Variants in CDH13 observed in about 807,000 individuals in gnomAD.
CDH13 encodes the protein cadherin 13, also known as cadherin-13.
CDH13 carries 24 observed loss-of-function variants against 63.8 expected under a neutral mutation model. The observed-to-expected ratio is 0.38, with a 90% CI of 0.27 to 0.53. The LOEUF (loss-of-function observed/expected upper bound fraction) is 0.53. Ranked by LOEUF, CDH13 falls within the 20% of genes least tolerant of loss-of-function variation. The pLI, the probability that CDH13 is intolerant of heterozygous loss-of-function variation, is 0.85. For missense variants in CDH13, 1,049 were observed against 903.1 expected, an observed-to-expected ratio of 1.16 and a Z score of -2.07; for synonymous variants, 503 against 355.3, an observed-to-expected ratio of 1.42 and a Z score of -4.67.
intron 1 of CDH13, among the ~76,000 whole-genome samples, chr16:82,757,726 C>G (rs1459025766): frequency 6.7e-6 from 1 of 149,722 alleles, no homozygotes; most frequent in Non-Finnish European, 1.5e-5. Context: ...TCACTGCAAC[C>G]TCTGCAGCGG....
intron 1 of CDH13, among the ~76,000 whole-genome samples, chr16:82,853,179 A>G (rs925620287): frequency 2.0e-5 from 3 of 152,184 alleles, no homozygotes; most frequent in Non-Finnish European, 2.9e-5. Flanking sequence ...ACACAACTCA[A>G]TCATATCAGG....
At chr16:82,812,631 G>A (rs1381545286) in intron 1 of CDH13, among the ~76,000 whole-genome samples, 1 of 152,154 alleles carries the variant, frequency 6.6e-6, no homozygotes, top group Admixed American at 6.5e-5. Flanking sequence ...TACACAGGCT[G>A]TGTTGGTGGA....
intron 8 of CDH13, among the ~76,000 whole-genome samples, chr16:83,661,547 G>A (rs913601139): frequency 2.0e-5 from 3 of 151,698 alleles, no homozygotes; most frequent in Non-Finnish European, 4.4e-5. Context: ...CCACTGCATC[G>A]TTTTCCTGTC....
chr16:82,912,977 T>C (rs1428923660), intron 2 of CDH13, among the ~76,000 whole-genome samples: 1 of 151,688 alleles, frequency 6.6e-6, no homozygotes, highest in Non-Finnish European at 1.5e-5. Flanking sequence ...TTCAAAATTG[T>C]GTCTTTTTCA....
chr16:83,408,248 A>C (rs1449783381), intron 6 of CDH13, among the ~76,000 whole-genome samples: 1 of 152,230 alleles, frequency 6.6e-6, no homozygotes, highest in African/African-American at 2.4e-5. Context: ...TTCCATTGAC[A>C]AAACTGGGAA....
intron 2 of CDH13, among the ~76,000 whole-genome samples, chr16:82,997,816 C>T (rs998462184): frequency 1.3e-5 from 2 of 152,106 alleles, no homozygotes; most frequent in African/African-American, 4.8e-5. Flanking sequence ...ATTTTCTGGG[C>T]TATTTTTAAA....
At chr16:83,054,362 C>G (rs2030703262) in intron 3 of CDH13, among the ~76,000 whole-genome samples, 1 of 152,200 alleles carries the variant, frequency 6.6e-6, no homozygotes, top group Admixed American at 6.5e-5. Flanking sequence ...GCCAGCATCA[C>G]TAATCTTGAA....
At chr16:82,877,916 TACACATAG>T (rs1220972751) in intron 2 of CDH13, among the ~76,000 whole-genome samples, 2 of 87,788 alleles carry the variant, frequency 2.3e-5, no homozygotes, top group Non-Finnish European at 4.8e-5. Flanking sequence ...AATACATACA[TACACATAG>T]ACACACACAC....
At chr16:83,206,824 T>C (rs913844126) in intron 4 of CDH13, among the ~76,000 whole-genome samples, 6 of 152,228 alleles carry the variant, frequency 3.9e-5, no homozygotes, top group Admixed American at 3.3e-4. Context: ...CCAAGGACAC[T>C]GACCAGAGTA....
intron 10 of CDH13, among the ~76,000 whole-genome samples, chr16:83,713,283 A>G (rs1345623793): frequency 6.6e-6 from 1 of 152,234 alleles, no homozygotes; most frequent in East Asian, 1.9e-4. Context: ...CACACACCAG[A>G]AATGGTTACT....
intron 1 of CDH13, among the ~76,000 whole-genome samples, chr16:82,794,986 C>A (rs1008352843): frequency 6.6e-6 from 1 of 152,168 alleles, no homozygotes; most frequent in East Asian, 1.9e-4. Flanking sequence ...CTGAGAGATT[C>A]TGAAGAGAAG....
intron 2 of CDH13, among the ~76,000 whole-genome samples, chr16:83,026,493 T>C (rs531676727): frequency 2.6e-5 from 4 of 151,932 alleles, no homozygotes; most frequent in Non-Finnish European, 4.4e-5. Flanking sequence ...GGTTCGAGGG[T>C]GGGGGGACAA....
At chr16:82,783,043 G>T (rs1007155688) in intron 1 of CDH13, among the ~76,000 whole-genome samples, 2 of 152,204 alleles carry the variant, frequency 1.3e-5, no homozygotes, top group South Asian at 4.1e-4. Context: ...CCCCCATGGA[G>T]TTTAAATAGA....
intron 4 of CDH13, among the ~76,000 whole-genome samples, chr16:83,148,117 T>G (rs1239468252): frequency 1.3e-5 from 2 of 152,190 alleles, no homozygotes; most frequent in Non-Finnish European, 2.9e-5. Context: ...TTTGTATTTT[T>G]AGTAGGCACG....
chr16:82,667,234 G>C (rs1912695241), intron 1 of CDH13, among the ~76,000 whole-genome samples: 1 of 152,200 alleles, frequency 6.6e-6, no homozygotes, highest in African/African-American at 2.4e-5. Context: ...ATCCCATAAA[G>C]CAGAGAGCTT....
intron 2 of CDH13, among the ~76,000 whole-genome samples, chr16:82,871,223 T>C (rs2040332541): frequency 6.6e-6 from 1 of 152,218 alleles, no homozygotes; most frequent in Non-Finnish European, 1.5e-5. Flanking sequence ...GTGTTTTGAA[T>C]TGTTGATACA....
At chr16:83,162,194 G>A (rs6565144) in intron 4 of CDH13, among the ~76,000 whole-genome samples, 32,795 of 152,016 alleles carry the variant, frequency 0.22, 4,872 homozygotes, top group African/African-American at 0.42. Flanking sequence ...AAACATTCAC[G>A]TGTTCCATCT....
chr16:83,330,093 G>A (rs1283276344), intron 5 of CDH13, among the ~76,000 whole-genome samples: 5 of 152,198 alleles, frequency 3.3e-5, no homozygotes, highest in African/African-American at 2.4e-5. Context: ...TCAAATAGAA[G>A]AGATTCTTGT....
At chr16:83,574,688 C>A (rs1025204175) in intron 7 of CDH13, among the ~76,000 whole-genome samples, 1 of 152,164 alleles carries the variant, frequency 6.6e-6, no homozygotes, top group Admixed American at 6.5e-5. Context: ...TCTTCCCCTC[C>A]CACTTCAGTG....
Sources: gnomAD v4.1 joint callset for allele counts (sites outside exome capture counted in the v4.1 genomes callset) on GRCh38, gnomAD v4.1.1 for gene constraint, MANE v1.5 for transcripts, NCBI Gene and HGNC (gene_info 2026-07-23, HGNC 2026-07-21) for gene names.